The following PRXL2C variants were observed in gnomAD, a reference collection of about 807,000 sequenced individuals.
PRXL2C encodes the protein peroxiredoxin like 2C, also known as peroxiredoxin-like 2C.
Under a neutral mutation model 24.9 loss-of-function variants are expected in PRXL2C, and 38 were observed. The ratio of observed to expected loss-of-function variants is 1.53; its 90% CI spans 1.18 to 2.00. The LOEUF (loss-of-function observed/expected upper bound fraction) is 2.00. Ranked by LOEUF, PRXL2C falls within the 30% of genes most tolerant of loss-of-function variation. PRXL2C has a pLI of 0.00. For synonymous variants in PRXL2C, 98 were observed against 117.2 expected, an observed-to-expected ratio of 0.84 and a Z score of 1.06; for missense variants, 294 against 290.9, an observed-to-expected ratio of 1.01 and a Z score of -0.08.
chr9:96,653,725 AAG>A (rs1217686135), intron 2 of PRXL2C, among the ~76,000 whole-genome samples: 1 of 152,242 alleles, frequency 6.6e-6, no homozygotes, highest in Non-Finnish European at 1.5e-5. Flanking sequence ...AATTTTTAAA[AAG>A]AGAATAAAAG....
chr9:96,653,943 C>T (rs1166921578), intron 2 of PRXL2C, among the ~76,000 whole-genome samples: 1 of 152,050 alleles, frequency 6.6e-6, no homozygotes, highest in African/African-American at 2.4e-5. Flanking sequence ...CGGGTTCACG[C>T]CATTCTCCTG....
intron 2 of PRXL2C, among the ~76,000 whole-genome samples, chr9:96,654,459 G>C (rs994833968): frequency 4.6e-5 from 7 of 152,216 alleles, no homozygotes; most frequent in Non-Finnish European, 8.8e-5. Context: ...GTCAACATTT[G>C]AGAACAGGCA....
At chr9:96,648,538 GT>G (rs1481381896) in intron 4 of PRXL2C, among the ~76,000 whole-genome samples, 1 of 151,246 alleles carries the variant, frequency 6.6e-6, no homozygotes, top group African/African-American at 2.4e-5. Flanking sequence ...TATGCTTTAT[GT>G]TTTTTTTAGG....
chr9:96,654,935 G>T, intron 1 of PRXL2C, 155 bp downstream of exon 1: 1 of 1,191,558 alleles, frequency 8.4e-7, no homozygotes, highest in East Asian at 3.0e-5. Flanking sequence ...CCTCGCCCTC[G>T]CCCTCTCCCT....
chr9:96,651,711 T>C lies in PRXL2C; in HGVS notation c.263A>G (p.Glu88Gly). 1 of 1,607,812 alleles carries C rather than the reference T, an allele frequency of 6.2e-7. No individual in the cohort carries two copies. The highest frequency in any genetic ancestry group is 8.5e-7 in the Non-Finnish European group (1 of 1,176,796). ...AATCACTATAAGGGTGACATTTGCT[T>C]CCTTAGGAGAAAAAAAAGGACATGT... ...LAKIPRSFLQ[E>G]ANVTLIVIGQ... The change falls in exon 3 of 6, where the codon GAA (glutamate) becomes GGA (glycine). Residue 88 changes from glutamate to glycine, a missense_variant and splice_region_variant. Physicochemically the swap from Glu to Gly is moderately conservative, Grantham distance 98. Coordinates refer to ENST00000375234, the MANE Select transcript of PRXL2C (RefSeq NM_153698.2).
chr9:96,649,050 G>A (rs1848232093), intron 4 of PRXL2C, among the ~76,000 whole-genome samples: 1 of 151,956 alleles, frequency 6.6e-6, no homozygotes, highest in South Asian at 2.1e-4. Context: ...TGGGATTACA[G>A]GCGTGAGCCA....
intron 2 of PRXL2C, among the ~76,000 whole-genome samples, chr9:96,653,512 A>G (rs1306524137): frequency 6.6e-6 from 1 of 152,198 alleles, no homozygotes; most frequent in Non-Finnish European, 1.5e-5. Context: ...ACTTTTAGAG[A>G]TCTGCTGCAC....
Position 96,654,556 on chromosome 9 carries a change from T to G in PRXL2C, c.261+149A>C, listed in dbSNP as rs969819812. 10 of 671,688 alleles carry G rather than the reference T, an allele frequency of 1.5e-5. No individual in the cohort carries two copies. In the South Asian group the frequency reaches 1.9e-4, roughly 13 times the overall value. The allele number at this position is 671,688 out of a possible 1,614,324, so 41.6% of individuals were successfully genotyped here. A position where few individuals can be genotyped will look rare whatever the true frequency, so the allele number is the denominator to read the frequency against. On this transcript the variant is annotated intron_variant, in intron 2 of 5. Coordinates refer to ENST00000375234, the MANE Select transcript of PRXL2C (RefSeq NM_153698.2). Reference sequence around the variant, plus strand: ...TTAGGGCAGAAATAGATCTCTGACGTCTCACTCCTTTTGGAGGGGCGAGGG... The same window carrying G: ...TTAGGGCAGAAATAGATCTCTGACGGCTCACTCCTTTTGGAGGGGCGAGGG...
intron 4 of PRXL2C, among the ~76,000 whole-genome samples, chr9:96,648,039 G>A (rs546012841): frequency 1.3e-5 from 2 of 152,006 alleles, no homozygotes; most frequent in South Asian, 4.2e-4. Context: ...CGCATAGCAG[G>A]GAGTACAGGC....
At chr9:96,644,984 G>A (rs1848173457) in intron 5 of PRXL2C, among the ~76,000 whole-genome samples, 1 of 128,784 alleles carries the variant, frequency 7.8e-6, no homozygotes. Flanking sequence ...TCGGCGCACT[G>A]CAAGCTCCGC....
chr9:96,655,130 G>T lies in PRXL2C; in HGVS notation c.152C>A (p.Ala51Glu). ...DARGQRVPFGALFRERRAVVV... is the reference protein window; with the variant it reads ...DARGQRVPFGELFRERRAVVV... Reference sequence around the variant, plus strand: ...CACGGCGCGGCGCTCCCGGAACAGCGCGCCGAACGGTACCCGCTGCCCGCG... The same window carrying T: ...CACGGCGCGGCGCTCCCGGAACAGCTCGCCGAACGGTACCCGCTGCCCGCG... Residue 51 changes from alanine (A) to glutamate (E), a missense_variant, in exon 1 of 6, where the codon GCG becomes GAG. Ala to Glu is a moderately radical substitution (Grantham distance 107). Transcript: ENST00000375234. 7.2e-7 allele frequency: 1 copy of T among 1,388,632 alleles called. No homozygotes were observed. Among genetic ancestry groups the T allele is most frequent in the Non-Finnish European group, 9.3e-7 (1 of 1,074,656 alleles). 86.0% of individuals were successfully genotyped at this position (1,388,632 alleles called of 1,614,324 possible). A position where few individuals can be genotyped will look rare whatever the true frequency, so the allele number is the denominator to read the frequency against.
intron 5 of PRXL2C, among the ~76,000 whole-genome samples, chr9:96,645,187 G>A (rs576145370): frequency 2.8e-4 from 43 of 151,760 alleles, no homozygotes; most frequent in African/African-American, 1.0e-3. Flanking sequence ...GGGATTACAG[G>A]CGTAAACCAC....
chr9:96,654,576 C>G (rs529410120), intron 2 of PRXL2C, 129 bp downstream of exon 2: 3 of 766,740 alleles, frequency 3.9e-6, no homozygotes, highest in Non-Finnish European at 6.4e-6. Flanking sequence ...TTTGGAGGGG[C>G]GAGGGTGGAG....
chr9:96,644,881 CTTTT>C (rs530343244), intron 5 of PRXL2C, among the ~76,000 whole-genome samples: 3 of 36,686 alleles, frequency 8.2e-5, no homozygotes, highest in Admixed American at 5.0e-4. Context: ...TACATGGATT[CTTTT>C]TTTTTTTTTT....
chr9:96,653,119 C>A (rs1395831761), intron 2 of PRXL2C, among the ~76,000 whole-genome samples: 1 of 151,736 alleles, frequency 6.6e-6, no homozygotes, highest in Non-Finnish European at 1.5e-5. Flanking sequence ...CCCAGCTACT[C>A]AGGAGGCTGA....
chr9:96,655,156 G>A lies in PRXL2C; in HGVS notation c.126C>T (p.Ala42=). 7.6e-7 allele frequency: 1 copy of A among 1,309,642 alleles called. No homozygotes were observed. Among genetic ancestry groups the A allele is most frequent in the Non-Finnish European group, 9.7e-7 (1 of 1,034,910 alleles). The allele number at this position is 1,309,642 out of a possible 1,614,324, so 81.1% of individuals were successfully genotyped here. Residue 42 remains alanine, a synonymous_variant, in exon 1 of 6, where the codon GCC becomes GCT. Transcript: ENST00000375234. ...AAVAELPVLD[A]RGQRVPFGAL... Reference sequence around the variant, plus strand: ...CGCCGAACGGTACCCGCTGCCCGCGGGCGTCCAGCACCGGCAGCTCGGCCA... The same window carrying A: ...CGCCGAACGGTACCCGCTGCCCGCGAGCGTCCAGCACCGGCAGCTCGGCCA...
intron 5 of PRXL2C, among the ~76,000 whole-genome samples, chr9:96,642,970 CA>C (rs1422223611): frequency 6.6e-6 from 1 of 152,144 alleles, no homozygotes; most frequent in African/African-American, 2.4e-5. Context: ...TATGTACAGA[CA>C]TTTTTTTTTC....
rs374010422 is a variant in PRXL2C, at chr9:96,654,796, G to C, written c.193-23C>G. On this transcript the variant is annotated intron_variant, in intron 1 of 5. Transcript: ENST00000375234. ...ATGCTGAAAGCCAAAACGGCAGAAA[G>C]GGCAAGTTAGTAAAGCAGCACCCTC... 6 of 1,551,580 alleles carry C rather than the reference G, an allele frequency of 3.9e-6. No individual in the cohort carries two copies. The African/African-American group carries it at 6.8e-5, about 18-fold the overall frequency.
intron 5 of PRXL2C, among the ~76,000 whole-genome samples, chr9:96,642,176 ATGTCC>A (rs1475667665): frequency 2.6e-5 from 4 of 152,170 alleles, no homozygotes; most frequent in African/African-American, 9.7e-5. Flanking sequence ...ATTAAATAAA[ATGTCC>A]TGTCAGACGG....
Sources: allele counts gnomAD v4.1 joint callset (sites outside exome capture counted in the v4.1 genomes callset), GRCh38; gene constraint gnomAD v4.1.1; transcripts MANE v1.5; gene names NCBI Gene and HGNC (gene_info 2026-07-23, HGNC 2026-07-21).